Variants in FES observed in about 807,000 individuals in gnomAD.
FES encodes tyrosine-protein kinase Fes/Fps.
FES carries 83 observed loss-of-function variants against 109.6 expected under a neutral mutation model. The observed-to-expected ratio is 0.76, with a 90% CI of 0.63 to 0.91. FES has a LOEUF of 0.91. Among genes scored for constraint, FES ranks in the 40% least tolerant of loss-of-function variants. FES has a pLI of 0.00. For missense variants in FES, 943 were observed against 1,070.9 expected (o/e 0.88, Z 1.67); for synonymous variants, 458 against 442.1 (o/e 1.04, Z -0.45).
chr15:90,889,452 C>T lies in FES; in HGVS notation c.806+9C>T, dbSNP rs200346742. ...TTCCTGCGACAGTATGGGTAAGCCCCGTCCTTGCTCCTGCTGGGCCCAGGG... is the reference window on the plus strand; with the variant it reads ...TTCCTGCGACAGTATGGGTAAGCCCTGTCCTTGCTCCTGCTGGGCCCAGGG... On this transcript the variant is annotated intron_variant, in intron 6 of 18. Coordinates refer to ENST00000328850, the MANE Select transcript of FES (RefSeq NM_002005.4). The surrounding 1 kb of genome is among the most constrained non-coding windows in gnomAD (Gnocchi z 6.1). 5.7e-4 allele frequency: 923 copies of T among 1,613,958 alleles called. No homozygotes were observed. The highest frequency in any genetic ancestry group is 7.2e-4 in the Non-Finnish European group (845 of 1,179,960).
intron 13 of FES, 30 bp downstream of exon 13, chr15:90,892,141 G>A (rs772197203): frequency 2.9e-5 from 47 of 1,613,382 alleles, no homozygotes; most frequent in African/African-American, 1.1e-4. Flanking sequence ...CCTCCTTGTC[G>A]CTGGCGACTT....
In FES at chr15:90,885,221, A is replaced by G; in HGVS notation, c.176A>G (p.Gln59Arg). ...ATGTCCCTGCAGGACAGTGGGGGCC[A>G]GAGCCGGGCCATCAGCCCTGACAGC... ...HHMSLQDSGGQSRAISPDSPI... is the reference protein window; with the variant it reads ...HHMSLQDSGGRSRAISPDSPI... The change falls in exon 2 of 19, where the codon CAG (glutamine) becomes CGG (arginine). Residue 59 changes from glutamine to arginine, a missense_variant. Physicochemically the swap from Gln to Arg is conservative, Grantham distance 43. Transcript: ENST00000328850. 1.9e-6 allele frequency: 3 copies of G among 1,613,468 alleles called. No homozygotes were observed. The highest frequency in any genetic ancestry group is 2.2e-5 in the East Asian group (1 of 44,870).
chr15:90,885,453 C>G lies in FES; in HGVS notation c.255C>G (p.Arg85=), dbSNP rs149932978. The change falls in exon 3 of 19, where the codon CGC becomes CGG. Residue 85 remains arginine, a synonymous_variant. Transcript: ENST00000328850. Reference sequence around the variant, plus strand: ...CCAGCCAAACTGAGGGCCTGAGCCGCTTGCTGCGGCAGCACGCAGAGGATC... The same window carrying G: ...CCAGCCAAACTGAGGGCCTGAGCCGGTTGCTGCGGCAGCACGCAGAGGATC... The part of the protein sequence containing the change: ...EITSQTEGLS[R]LLRQHAEDLN... The G allele has an allele frequency of 1.9e-6, 3 of 1,613,264 alleles. No homozygotes were observed. In the African/African-American group the frequency reaches 4.0e-5, roughly 22 times the overall value.
At chr15:90,892,490 A>C in intron 13 of FES, 1 of 581,520 alleles carries the variant, frequency 1.7e-6, no homozygotes, top group South Asian at 2.1e-5. Context: ...TTTCCATGTC[A>C]CTTCTCTCAG....
Position 90,889,412 on chromosome 15 carries a change from G to C in FES, c.775G>C (p.Ala259Pro). Reference sequence around the variant, plus strand: ...AGCTGCTGCCCGCATCCAGCCTGAGGCTGAGTACCAAGGCTTCCTGCGACA... The same window carrying C: ...AGCTGCTGCCCGCATCCAGCCTGAGCCTGAGTACCAAGGCTTCCTGCGACA... Reference protein sequence around the residue: ...AAAAARIQPEAEYQGFLRQYG... With the variant: ...AAAAARIQPEPEYQGFLRQYG... Residue 259 changes from alanine (A) to proline (P), a missense_variant, in exon 6 of 19, where the codon GCT (alanine) becomes CCT (proline). By Grantham distance (27) the Ala-to-Pro change is conservative. Transcript: ENST00000328850. This position sits in a 1 kb window ranked among gnomAD's most constrained non-coding sequence, Gnocchi z 6.1. 6.2e-7 allele frequency: 1 copy of C among 1,614,134 alleles called. No individual in the cohort carries two copies. The highest frequency in any genetic ancestry group is 8.5e-7 in the Non-Finnish European group (1 of 1,180,038).
At chr15:90,886,602 TA>T (rs1160555386) in intron 3 of FES, among the ~76,000 whole-genome samples, 1 of 152,216 alleles carries the variant, frequency 6.6e-6, no homozygotes, top group Non-Finnish European at 1.5e-5. Flanking sequence ...AAAAGATTGC[TA>T]GGAATTTCCA....
chr15:90,892,416 G>C, intron 13 of FES: 1 of 581,980 alleles, frequency 1.7e-6, no homozygotes. Context: ...TACCTGTTTA[G>C]GGAAGAAGTC....
chr15:90,892,857 C>G (rs771660557), intron 14 of FES, 32 bp downstream of exon 14: 1 of 1,595,624 alleles, frequency 6.3e-7, no homozygotes, highest in South Asian at 1.1e-5. Context: ...ACCACGGGTC[C>G]CGCATACACA....
rs749106576 is a variant in FES at position 90,885,231 on chromosome 15, C to A, written c.186C>A (p.Ala62=). ...SLQDSGGQSR[A]ISPDSPISQS... is the part of the protein sequence containing the mutation. The stretch of plus-strand genomic sequence containing the variant: ...AGGACAGTGGGGGCCAGAGCCGGGC[C>A]ATCAGCCCTGACAGCCCCATCAGTC... The change falls in exon 2 of 19, where the codon GCC becomes GCA. Residue 62 remains alanine (A), a synonymous_variant. Coordinates refer to ENST00000328850, the MANE Select transcript of FES (RefSeq NM_002005.4). The A allele has an allele frequency of 5.0e-6, 8 of 1,613,124 alleles. No individual in the cohort carries two copies. Among genetic ancestry groups the A allele is most frequent in the Non-Finnish European group, 6.8e-6 (8 of 1,179,946 alleles).
chr15:90,892,321 C>G, intron 13 of FES: 1 of 620,550 alleles, frequency 1.6e-6, no homozygotes. Flanking sequence ...TGCCAGCACC[C>G]TGACCTCATC....
intron 18 of FES, among the ~76,000 whole-genome samples, chr15:90,894,638 C>T (rs533943971): frequency 5.3e-5 from 8 of 151,990 alleles, no homozygotes; most frequent in African/African-American, 7.2e-5. Context: ...TGGTGACATG[C>T]GCCTGTAGTC....
Position 90,893,917 on chromosome 15 carries a change from C to T in FES, c.2204-19C>T. 2 of 1,613,296 alleles carry T rather than the reference C, an allele frequency of 1.2e-6. No homozygotes were observed. The highest frequency in any genetic ancestry group is 2.2e-5 in the East Asian group (1 of 44,880). ...GGAGGGTGCACTCACGCTGCCTCAC[C>T]TCCTCGCCTCCTCTGCAGGCCGCTA... On this transcript the variant is annotated intron_variant, in intron 17 of 18. Transcript: ENST00000328850.
chr15:90,887,470 G>C, intron 5 of FES, 100 bp downstream of exon 5: 4 of 1,311,676 alleles, frequency 3.0e-6, no homozygotes, highest in Non-Finnish European at 4.1e-6. Context: ...TGCTGGGAAG[G>C]TGCTGGCCAT....
chr15:90,884,828 G>A, intron 1 of FES: 2 of 553,952 alleles, frequency 3.6e-6, no homozygotes, highest in Non-Finnish European at 6.4e-6. Context: ...CGAACGTGCG[G>A]AGGAGACCCT....
In FES at chr15:90,890,177, G is replaced by T; in HGVS notation, c.1135G>T (p.Ala379Ser). 1 of 1,601,198 alleles carries T rather than the reference G, an allele frequency of 6.2e-7. No homozygotes were observed. The highest frequency in any genetic ancestry group is 8.5e-7 in the Non-Finnish European group (1 of 1,178,700). Residue 379 changes from alanine to serine, a missense_variant, in exon 9 of 19, where the codon GCC (alanine) becomes TCC (serine). Ala to Ser is a moderately conservative substitution (Grantham distance 99). Transcript: ENST00000328850. ...GCTGTGCAGCCAGGCCAAGCTGCAG[G>T]CCCAGCAGGAGTTGCTGCAGACCAA... ...VALCSQAKLQAQQELLQTKLE... is the reference protein window; with the variant it reads ...VALCSQAKLQSQQELLQTKLE...
Position 90,891,647 on chromosome 15 carries a change from G to A in FES, c.1624G>A (p.Gly542Ser), listed in dbSNP as rs1241976568. ...STQQPLTKKS[G>S]VVLHRAVPKD... The stretch of plus-strand genomic sequence containing the variant: ...CCAGCAGCCCCTCACCAAGAAGAGT[G>A]GTGTTGTCCTGCACAGGGCTGTGCC... The change falls in exon 12 of 19, where the codon GGT becomes AGT. Residue 542 changes from glycine to serine, a missense_variant. By Grantham distance (56) the Gly-to-Ser change is moderately conservative. Transcript: ENST00000328850. 4 of 1,613,888 alleles carry A rather than the reference G, an allele frequency of 2.5e-6. No homozygotes were observed. The South Asian group carries it at 3.3e-5, about 13-fold the overall frequency.
In FES at chr15:90,887,167, C is replaced by T. The variant is rs1173923444; in HGVS notation, c.485-20C>T. On this transcript the variant is annotated intron_variant, in intron 4 of 18. Coordinates refer to ENST00000328850, the MANE Select transcript of FES (RefSeq NM_002005.4). ...GGGCCTCCATGCTGTCATCTATACCCCTTGCCCCCCTTCTGGCAGACAAGG... is the reference window on the plus strand; with the variant it reads ...GGGCCTCCATGCTGTCATCTATACCTCTTGCCCCCCTTCTGGCAGACAAGG... 6.2e-7 allele frequency: 1 copy of T among 1,612,202 alleles called. No individual in the cohort carries two copies. Among genetic ancestry groups the T allele is most frequent in the Admixed American group, 1.7e-5 (1 of 60,000 alleles).
At chr15:90,893,553 C>T (rs1381890451) in intron 16 of FES, 101 bp from the exon 17 acceptor site, 43 of 1,495,718 alleles carry the variant, frequency 2.9e-5, no homozygotes, top group East Asian at 9.2e-5. Flanking sequence ...CAGGGGTGCC[C>T]AGGGCCGGGA....
intron 1 of FES, chr15:90,884,759 T>G: frequency 2.8e-6 from 1 of 360,920 alleles, no homozygotes; most frequent in Non-Finnish European, 5.1e-6. Context: ...AGGGTGTCCC[T>G]GTAAGGGGTG....
Sources: gnomAD v4.1 joint callset for allele counts (sites outside exome capture counted in the v4.1 genomes callset) on GRCh38, gnomAD v4.1.1 for gene constraint, Gnocchi (gnomAD v3.1) non-coding constraint, MANE v1.5 for transcripts, NCBI Gene and HGNC (gene_info 2026-07-23, HGNC 2026-07-21) for gene names.